The following KCNIP4 variants were observed in gnomAD, a reference collection of about 807,000 sequenced individuals.
KCNIP4 encodes the protein potassium voltage-gated channel interacting protein 4, also known as Kv channel-interacting protein 4.
A neutral mutation model predicts 34.0 loss-of-function variants in KCNIP4; 12 were observed. The ratio of observed to expected loss-of-function variants is 0.35; its 90% CI spans 0.23 to 0.57. The LOEUF is 0.57. Among genes scored for constraint, KCNIP4 ranks in the 20% least tolerant of loss-of-function variants. The pLI, the probability that KCNIP4 is intolerant of heterozygous loss-of-function variation, is 0.83. For missense variants in KCNIP4, 238 were observed against 311.7 expected, an observed-to-expected ratio of 0.76 and a Z score of 1.78; for synonymous variants, 124 against 102.2, an observed-to-expected ratio of 1.21 and a Z score of -1.29.
rs7684798 is a variant in KCNIP4, at chr4:21,694,931, T to C, written c.61+253640A>G. 6.5e-4 allele frequency among the ~76,000 whole-genome samples: 31 copies of C among 47,406 alleles called. 1 individual carries two copies. Among genetic ancestry groups the C allele is most frequent in the African/African-American group, 9.7e-4 (15 of 15,488 alleles). The allele number at this position is 47,406 out of a possible 152,430, so 31.1% of individuals were successfully genotyped here. On this transcript the variant is annotated intron_variant, in intron 1 of 8. Coordinates refer to ENST00000382152, the MANE Select transcript of KCNIP4 (RefSeq NM_025221.6). ...CGATTGACCAAAAAAAAAAAAAAAA[T>C]AAAAATAAATAAATAAATAAAGGGC...
At chr4:21,800,013 C>T (rs1438937314) in intron 1 of KCNIP4, among the ~76,000 whole-genome samples, 1 of 152,174 alleles carries the variant, frequency 6.6e-6, no homozygotes, top group Non-Finnish European at 1.5e-5. Context: ...AACCCCTCCA[C>T]TCAATCTGGA....
At chr4:21,736,668 C>A (rs1716011570) in intron 1 of KCNIP4, among the ~76,000 whole-genome samples, 1 of 152,180 alleles carries the variant, frequency 6.6e-6, no homozygotes, top group Admixed American at 6.5e-5. Context: ...ACATCAGTTA[C>A]CTCTTCCATT....
At chr4:21,843,096 A>T (rs1723787202) in intron 1 of KCNIP4, among the ~76,000 whole-genome samples, 1 of 152,110 alleles carries the variant, frequency 6.6e-6, no homozygotes, top group African/African-American at 2.4e-5. Flanking sequence ...AGAAGGGTAA[A>T]AGCCCCAAAT....
chr4:20,794,239 T>C (rs1367139277), intron 3 of KCNIP4, among the ~76,000 whole-genome samples: 1 of 152,136 alleles, frequency 6.6e-6, no homozygotes, highest in African/African-American at 2.4e-5. Context: ...CAGTTCACAG[T>C]AGGGTTCATG....
At chr4:21,873,687 A>G (rs1252749725) in intron 1 of KCNIP4, among the ~76,000 whole-genome samples, 1 of 152,202 alleles carries the variant, frequency 6.6e-6, no homozygotes, top group Non-Finnish European at 1.5e-5. Context: ...ACAAAATTAT[A>G]AAAATAAGAC....
chr4:21,928,275 A>G (rs1425185597), intron 1 of KCNIP4, among the ~76,000 whole-genome samples: 2 of 152,070 alleles, frequency 1.3e-5, no homozygotes. Context: ...AGCCCTGGAC[A>G]CTGCTAGATG....
intron 1 of KCNIP4, among the ~76,000 whole-genome samples, chr4:21,701,355 C>T (rs1712825226): frequency 6.6e-6 from 1 of 152,166 alleles, no homozygotes; most frequent in Admixed American, 6.5e-5. Flanking sequence ...AACGCGATGA[C>T]CACAGCTGCT....
chr4:21,353,482 C>A (rs921084314), intron 1 of KCNIP4, among the ~76,000 whole-genome samples: 2 of 152,066 alleles, frequency 1.3e-5, no homozygotes, highest in Non-Finnish European at 2.9e-5. Context: ...CACCATGGCC[C>A]AAGAACTTCA....
At chr4:20,884,424 G>A (rs968636601) in intron 1 of KCNIP4, among the ~76,000 whole-genome samples, 5 of 130,332 alleles carry the variant, frequency 3.8e-5, no homozygotes, top group African/African-American at 5.8e-5. Flanking sequence ...ACAGACCCCC[G>A]TGTGTGATGT....
intron 1 of KCNIP4, among the ~76,000 whole-genome samples, chr4:21,611,807 A>T (rs184423899): frequency 6.6e-6 from 1 of 152,090 alleles, no homozygotes; most frequent in South Asian, 2.1e-4. Flanking sequence ...TGTAGGACCA[A>T]CTCAAGCCGG....
intron 1 of KCNIP4, among the ~76,000 whole-genome samples, chr4:21,366,714 G>A (rs934415962): frequency 3.3e-5 from 5 of 151,998 alleles, no homozygotes; most frequent in Non-Finnish European, 5.9e-5. Context: ...TATCTCTATA[G>A]TACCTGGTCT....
intron 1 of KCNIP4, among the ~76,000 whole-genome samples, chr4:21,721,655 C>G (rs1206698324): frequency 6.6e-6 from 1 of 152,164 alleles, no homozygotes; most frequent in Non-Finnish European, 1.5e-5. Context: ...TAAAAATTCT[C>G]CCACCTTCTC....
At position 21,383,360 on chromosome 4, in the gene KCNIP4, G is replaced by T. The variant is rs1273319588; in HGVS notation, c.62-500651C>A. 3.3e-5 allele frequency among the ~76,000 whole-genome samples: 5 copies of T among 151,852 alleles called. No homozygotes were observed. In the East Asian group the frequency reaches 9.7e-4, roughly 29 times the overall value. ...GATCTGGTGGGGAACAGAGATAAAGGTGCAAAAAGAGAGAGAATAGCTTCT... is the reference window on the plus strand; with the variant it reads ...GATCTGGTGGGGAACAGAGATAAAGTTGCAAAAAGAGAGAGAATAGCTTCT... On this transcript the variant is annotated intron_variant, in intron 1 of 8. Transcript: ENST00000382152.
chr4:20,854,943 G>T (rs1254225248), intron 2 of KCNIP4, among the ~76,000 whole-genome samples: 1 of 152,162 alleles, frequency 6.6e-6, no homozygotes, highest in Non-Finnish European at 1.5e-5. Context: ...AAGGAATTTT[G>T]TGCCCATAGA....
intron 1 of KCNIP4, among the ~76,000 whole-genome samples, chr4:21,862,153 T>C (rs1219144787): frequency 6.6e-6 from 1 of 152,188 alleles, no homozygotes; most frequent in Non-Finnish European, 1.5e-5. Flanking sequence ...GCTGGCCATC[T>C]AATCTAAATT....
At chr4:21,515,208 C>T (rs1202018692) in intron 1 of KCNIP4, among the ~76,000 whole-genome samples, 1 of 152,126 alleles carries the variant, frequency 6.6e-6, no homozygotes, top group Non-Finnish European at 1.5e-5. Flanking sequence ...ATGGGGGCTC[C>T]TGATCTGGAA....
chr4:21,070,899 T>C (rs1054317346), intron 1 of KCNIP4, among the ~76,000 whole-genome samples: 3 of 151,772 alleles, frequency 2.0e-5, no homozygotes, highest in African/African-American at 7.3e-5. Context: ...ATGGTCTTGA[T>C]CTCCTGACCT....
intron 1 of KCNIP4, among the ~76,000 whole-genome samples, chr4:21,033,923 A>G (rs947323288): frequency 6.6e-6 from 1 of 152,202 alleles, no homozygotes; most frequent in Non-Finnish European, 1.5e-5. Context: ...AGAAAACCGC[A>G]TATGGTCTCT....
At chr4:21,799,142 C>T (rs1274126921) in intron 1 of KCNIP4, among the ~76,000 whole-genome samples, 3 of 152,056 alleles carry the variant, frequency 2.0e-5, no homozygotes, top group African/African-American at 4.8e-5. Flanking sequence ...ATAAGAGGTG[C>T]TATTTACAGA....
Sources: gnomAD v4.1 joint callset for allele counts (sites outside exome capture counted in the v4.1 genomes callset) on GRCh38, gnomAD v4.1.1 for gene constraint, MANE v1.5 for transcripts, NCBI Gene and HGNC (gene_info 2026-07-23, HGNC 2026-07-21) for gene names.